The following PAMR1 variants were observed in gnomAD, a reference collection of about 807,000 sequenced individuals.
PAMR1 encodes peptidase domain containing associated with muscle regeneration 1, also known as inactive serine protease PAMR1.
In PAMR1, 88 loss-of-function variants were observed where a neutral mutation model predicts 81.8. The observed-to-expected ratio is 1.08, with a 90% CI of 0.91 to 1.28. PAMR1 has a LOEUF of 1.28. Among genes scored for constraint, PAMR1 ranks in the 50% most tolerant of loss-of-function variants. PAMR1 has a pLI of 0.00. For missense variants in PAMR1, 935 were observed against 919.7 expected, an observed-to-expected ratio of 1.02 and a Z score of -0.21; for synonymous variants, 336 against 345.3, an observed-to-expected ratio of 0.97 and a Z score of 0.30.
chr11:35,487,314 G>A (rs1019284604), intron 3 of PAMR1, among the ~76,000 whole-genome samples: 3 of 151,636 alleles, frequency 2.0e-5, no homozygotes, highest in African/African-American at 7.3e-5. Context: ...CCACCTATGT[G>A]TTCCATTACT....
Position 35,440,976 on chromosome 11 carries a change from T to C in PAMR1, c.1033+505A>G, listed in dbSNP as rs981148389. On this transcript the variant is annotated intron_variant, in intron 7 of 10. Transcript: ENST00000619888. ...TTTTGCTGAACTTACACCACTCATC[T>C]CTTCCTATAACTATCCCTTGAATGT... 5.3e-5 allele frequency among the ~76,000 whole-genome samples: 8 copies of C among 152,342 alleles called. No individual in the cohort carries two copies. The South Asian group carries it at 8.3e-4, about 16-fold the overall frequency.
At chr11:35,455,054 T>A (rs1356399179) in intron 6 of PAMR1, among the ~76,000 whole-genome samples, 1 of 152,232 alleles carries the variant, frequency 6.6e-6, no homozygotes, top group South Asian at 2.1e-4. Flanking sequence ...GCCTTTTTCA[T>A]GAGCCTGAAT....
intron 1 of PAMR1, among the ~76,000 whole-genome samples, chr11:35,516,942 GA>G (rs1400537863): frequency 3.9e-5 from 6 of 152,204 alleles, no homozygotes; most frequent in Admixed American, 1.3e-4. Flanking sequence ...GCCTCTGTGA[GA>G]GGGGGGAAGG....
In PAMR1 at chr11:35,470,641, C is replaced by A. The variant is rs774917577; in HGVS notation, c.672G>T (p.Lys224Asn). The A allele has an allele frequency of 1.8e-5, 29 of 1,614,192 alleles. No homozygotes were observed. Among genetic ancestry groups the A allele is most frequent in the Non-Finnish European group, 2.3e-5 (27 of 1,180,026 alleles). ...LHVLFHSDGS[K>N]NFDGFHAIYE... ...AAATGGCATGGAAACCGTCAAAATT[C>A]TTGGAGCCATCGGAGTGGAAGAGGA... is the stretch of plus-strand genomic sequence containing the variant. The change falls in exon 5 of 11, where the codon AAG becomes AAT. Residue 224 changes from lysine (K) to asparagine (N), a missense_variant. Lys to Asn is a moderately conservative substitution (Grantham distance 94, BLOSUM62 0). Transcript: ENST00000619888.
chr11:35,525,657 G>T, upstream of PAMR1: 1 of 1,301,538 alleles, frequency 7.7e-7, no homozygotes, highest in Non-Finnish European at 1.1e-6. Context: ...GGGGGCAGGC[G>T]GGTTTTACAG....
At chr11:35,496,958 G>A (rs1170102623) in intron 1 of PAMR1, among the ~76,000 whole-genome samples, 2 of 152,302 alleles carry the variant, frequency 1.3e-5, no homozygotes, top group Non-Finnish European at 2.9e-5. Flanking sequence ...TTGAGGCCAG[G>A]AGTTTGAGAC....
chr11:35,486,064 G>A (rs2082295006), intron 3 of PAMR1, among the ~76,000 whole-genome samples: 1 of 152,240 alleles, frequency 6.6e-6, no homozygotes. Context: ...GCCAGTATGA[G>A]GTGAGGGTGA....
intron 3 of PAMR1, among the ~76,000 whole-genome samples, chr11:35,480,665 C>CA (rs1850374041): frequency 6.6e-6 from 1 of 152,074 alleles, no homozygotes; most frequent in South Asian, 2.1e-4. Context: ...AAATACTTTT[C>CA]AAATCTCTCC....
chr11:35,525,590 G>T lies in PAMR1; in HGVS notation c.-5C>A, dbSNP rs1851371429. The T allele has an allele frequency of 6.2e-7, 1 of 1,613,520 alleles. No homozygotes were observed. Among genetic ancestry groups the T allele is most frequent in the African/African-American group, 1.3e-5 (1 of 75,026 alleles). ...CGTCCAGCAACCCAGCTCCATCCTTGCCGCGGCTGGTGCCCGAGCGTCTAC... is the reference window on the plus strand; with the variant it reads ...CGTCCAGCAACCCAGCTCCATCCTTTCCGCGGCTGGTGCCCGAGCGTCTAC... On this transcript the variant is annotated 5_prime_UTR_variant, in exon 1 of 11. Coordinates refer to ENST00000619888, the MANE Select transcript of PAMR1 (RefSeq NM_001001991.3).
chr11:35,469,798 T>C (rs1856816917), intron 5 of PAMR1, among the ~76,000 whole-genome samples: 2 of 142,566 alleles, frequency 1.4e-5, no homozygotes, highest in African/African-American at 2.5e-5. Context: ...TCTTTTTTAA[T>C]TCAGTTTTTT....
chr11:35,494,625 A>G (rs1850692595), intron 1 of PAMR1, among the ~76,000 whole-genome samples: 1 of 151,700 alleles, frequency 6.6e-6, no homozygotes, highest in South Asian at 2.1e-4. Flanking sequence ...GAGCCACCGC[A>G]CCCGGCCCAG....
intron 1 of PAMR1, among the ~76,000 whole-genome samples, chr11:35,498,069 A>C (rs1333829878): frequency 6.6e-6 from 1 of 152,232 alleles, no homozygotes; most frequent in Non-Finnish European, 1.5e-5. Flanking sequence ...TTTACATCAC[A>C]TGCTCCTACC....
chr11:35,497,202 T>A (rs1850742294), intron 1 of PAMR1, among the ~76,000 whole-genome samples: 1 of 151,664 alleles, frequency 6.6e-6, no homozygotes, highest in South Asian at 2.1e-4. Flanking sequence ...ATATAAAAAA[T>A]AAAAAATGAG....
intron 1 of PAMR1, among the ~76,000 whole-genome samples, chr11:35,500,262 A>G (rs897218955): frequency 6.6e-6 from 1 of 152,206 alleles, no homozygotes; most frequent in Non-Finnish European, 1.5e-5. Context: ...TCTTGAAAGA[A>G]AGGTTAGCCC....
intron 3 of PAMR1, among the ~76,000 whole-genome samples, chr11:35,475,115 A>G (rs1850262923): frequency 6.6e-6 from 1 of 152,208 alleles, no homozygotes; most frequent in Non-Finnish European, 1.5e-5. Context: ...CTTCCTCTCC[A>G]GGCCTGACAA....
In PAMR1 at chr11:35,432,134, C is replaced by A; in HGVS notation, c.*222G>T. 1.8e-6 allele frequency: 1 copy of A among 568,250 alleles called. No individual in the cohort carries two copies. Among genetic ancestry groups the A allele is most frequent in the Non-Finnish European group, 3.1e-6 (1 of 319,936 alleles). The allele number at this position is 568,250 out of a possible 1,614,324, so 35.2% of individuals were successfully genotyped here. A position where few individuals can be genotyped will look rare whatever the true frequency, so the allele number is the denominator to read the frequency against. On this transcript the variant is annotated 3_prime_UTR_variant, in exon 11 of 11. Coordinates refer to ENST00000619888, the MANE Select transcript of PAMR1 (RefSeq NM_001001991.3). ...TTTGAAGAAACTTACTTCTTGCAAGCCCTGGCATCTTCCAATTGGCTGTCC... is the reference window on the plus strand; with the variant it reads ...TTTGAAGAAACTTACTTCTTGCAAGACCTGGCATCTTCCAATTGGCTGTCC...
At chr11:35,453,447 C>A (rs904437884) in intron 6 of PAMR1, 1 of 152,180 alleles carries the variant, frequency 6.6e-6, no homozygotes, top group African/African-American at 2.4e-5. Context: ...CACAATAAAG[C>A]CTTCAATTGC....
intron 1 of PAMR1, among the ~76,000 whole-genome samples, chr11:35,519,833 C>T (rs1851238307): frequency 6.6e-6 from 1 of 152,172 alleles, no homozygotes; most frequent in Non-Finnish European, 1.5e-5. Context: ...GCAGATCTGC[C>T]ACCGTTGGAC....
At chr11:35,521,573 A>G (rs962764469) in intron 1 of PAMR1, among the ~76,000 whole-genome samples, 12 of 152,184 alleles carry the variant, frequency 7.9e-5, no homozygotes, top group African/African-American at 2.9e-4. Context: ...TTTGGCTCCA[A>G]AGGCTGCCAG....
Sources: gnomAD v4.1 joint callset for allele counts (sites outside exome capture counted in the v4.1 genomes callset) on GRCh38, gnomAD v4.1.1 for gene constraint, MANE v1.5 for transcripts, NCBI Gene and HGNC (gene_info 2026-07-23, HGNC 2026-07-21) for gene names.